The following SLC6A15 variants were observed in gnomAD, a reference collection of about 807,000 sequenced individuals.
The protein encoded by SLC6A15 is sodium-dependent neutral amino acid transporter B(0)AT2.
In SLC6A15, 33 loss-of-function variants were observed where a neutral mutation model predicts 68.5. The ratio of observed to expected loss-of-function variants is 0.48; its 90% confidence interval spans 0.37 to 0.64. The LOEUF (loss-of-function observed/expected upper bound fraction) is 0.64, where lower values mean the gene tolerates loss of function less well. SLC6A15 is among the 30% of genes least tolerant of loss of function. SLC6A15 has a pLI of 0.00. For missense variants in SLC6A15, 747 were observed against 874.3 expected (o/e 0.85, Z 1.84); for synonymous variants, 347 against 301.0 (o/e 1.15, Z -1.58).
intron 5 of SLC6A15, chr12:84,881,902 C>T (rs2120625073): frequency 1.0e-6 from 1 of 985,420 alleles, no homozygotes; most frequent in East Asian, 1.1e-4. Flanking sequence ...CTACAGCTAG[C>T]TTTCTCCCCA....
chr12:84,900,501 T>G (rs1872811603), intron 1 of SLC6A15, among the ~76,000 whole-genome samples: 1 of 151,852 alleles, frequency 6.6e-6, no homozygotes, highest in South Asian at 2.1e-4. Context: ...TGACTAGAAA[T>G]GCTAAAGGCA....
intron 1 of SLC6A15, among the ~76,000 whole-genome samples, chr12:84,899,824 AAAAT>A (rs1872781480): frequency 6.6e-6 from 1 of 152,064 alleles, no homozygotes; most frequent in South Asian, 2.1e-4. Context: ...TATATTTTTC[AAAAT>A]AAATCTATTT....
At chr12:84,863,283 CG>C (rs11325223) in intron 11 of SLC6A15, among the ~76,000 whole-genome samples, 155 bp downstream of exon 11, 42,097 of 151,946 alleles carry the variant, frequency 0.28, 6,563 homozygotes, top group Middle Eastern at 0.42. Context: ...CACATATGCT[CG>C]GGGCAGAGCA....
chr12:84,887,260 A>G (rs1039588776), intron 2 of SLC6A15, among the ~76,000 whole-genome samples: 2 of 152,182 alleles, frequency 1.3e-5, no homozygotes, highest in Non-Finnish European at 2.9e-5. Flanking sequence ...CTACATATTT[A>G]TCATATGTTT....
intron 1 of SLC6A15, among the ~76,000 whole-genome samples, chr12:84,909,303 A>C (rs950348970): frequency 6.6e-5 from 10 of 152,156 alleles, no homozygotes; most frequent in Non-Finnish European, 1.0e-4. Flanking sequence ...CACATTAATC[A>C]CAAGGAAATA....
chr12:84,910,384 C>G (rs563273968), intron 1 of SLC6A15, among the ~76,000 whole-genome samples: 1 of 151,806 alleles, frequency 6.6e-6, no homozygotes, highest in Non-Finnish European at 1.5e-5. Flanking sequence ...TTTACCACAA[C>G]AAATACACAT....
chr12:84,885,772 T>C, intron 3 of SLC6A15, 139 bp downstream of exon 3: 3 of 987,038 alleles, frequency 3.0e-6, no homozygotes, highest in Non-Finnish European at 4.4e-6. Context: ...TTATAGTTAA[T>C]CCATATGCCA....
intron 2 of SLC6A15, among the ~76,000 whole-genome samples, chr12:84,888,881 C>CT (rs1213538544): frequency 2.6e-5 from 4 of 152,110 alleles, no homozygotes; most frequent in African/African-American, 4.8e-5. Context: ...GTCTCCCACT[C>CT]TTTTTTTGTC....
rs141007880 is a variant in SLC6A15, at chr12:84,905,505, G to A, written c.-189+7018C>T. Among the ~76,000 whole-genome samples, 325 of 152,164 alleles carry A rather than the reference G, an allele frequency of 2.1e-3. 1 individual carries two copies. The highest frequency in any genetic ancestry group is 6.8e-3 in the Middle Eastern group (2 of 294). On this transcript the variant is annotated intron_variant, in intron 1 of 11. Transcript: ENST00000266682. The stretch of plus-strand genomic sequence containing the variant: ...TCAGGATAAGAAGCAAGATAAAAAC[G>A]TCCACTCTCACACTCTTATTCAACA...
intron 8 of SLC6A15, among the ~76,000 whole-genome samples, chr12:84,872,300 A>T (rs1871320386): frequency 6.6e-6 from 1 of 152,182 alleles, no homozygotes. Flanking sequence ...TTATAGCAAG[A>T]AAGATTTCAG....
chr12:84,911,045 C>T (rs571680415), intron 1 of SLC6A15, among the ~76,000 whole-genome samples: 5 of 152,112 alleles, frequency 3.3e-5, no homozygotes, highest in Non-Finnish European at 7.4e-5. Context: ...ACAAGTCAAG[C>T]CCAGTACTGG....
chr12:84,872,699 T>A lies in SLC6A15; in HGVS notation c.1205A>T (p.Asp402Val). Residue 402 changes from aspartate to valine, a missense_variant, in exon 8 of 12, where the codon GAT becomes GTT. By Grantham distance (152) the Asp-to-Val change is radical. Coordinates refer to ENST00000266682, the MANE Select transcript of SLC6A15 (RefSeq NM_182767.6). ...AATGATGTCATAAACTAAATGATAA[T>A]CTTCTGCAGTAACAGTTGAAAGGTT... is the stretch of plus-strand genomic sequence containing the variant. The part of the protein sequence containing the change: ...HINLSTVTAE[D>V]YHLVYDIIQK... The A allele has an allele frequency of 6.2e-7, 1 of 1,612,906 alleles. No individual in the cohort carries two copies.
In SLC6A15 at chr12:84,861,725, T is replaced by G; in HGVS notation, c.2100A>C (p.Gly700=). ...TGGGAGCAGTATCCAGAGTTGGGGA[T>G]CCACTCTGTTTTCGATAAATATTTT... The part of the protein sequence containing the change: ...FGKNIYRKQS[G]SPTLDTAPNG... The change falls in exon 12 of 12, where the codon GGA becomes GGC. Residue 700 remains glycine (G), a synonymous_variant. Transcript: ENST00000266682. 1 of 1,613,984 alleles carries G rather than the reference T, an allele frequency of 6.2e-7. No homozygotes were observed. Among genetic ancestry groups the G allele is most frequent in the Non-Finnish European group, 8.5e-7 (1 of 1,179,902 alleles).
chr12:84,863,686 A>G, intron 10 of SLC6A15, 85 bp from the exon 11 acceptor site: 2 of 949,038 alleles, frequency 2.1e-6, no homozygotes, highest in Non-Finnish European at 2.9e-6. Context: ...TGGTCTGACA[A>G]ACATTTACCA....
At position 84,860,973 on chromosome 12, in the gene SLC6A15, A is replaced by G. The variant is rs1195489312; in HGVS notation, c.*659T>C. The G allele has an allele frequency of 6.6e-6, 1 of 152,118 alleles. No homozygotes were observed. The highest frequency in any genetic ancestry group is 1.9e-4 in the East Asian group (1 of 5,198). 9.4% of individuals were successfully genotyped at this position (152,118 alleles called of 1,614,324 possible). ...ACTCTTAGTTCATTTTCACACATAT[A>G]TTTTACACAAAATATACAGCCATCA... On this transcript the variant is annotated 3_prime_UTR_variant, in exon 12 of 12. Coordinates refer to ENST00000266682, the MANE Select transcript of SLC6A15 (RefSeq NM_182767.6).
Position 84,861,646 on chromosome 12 carries a change from C to T in SLC6A15, c.2179G>A (p.Glu727Lys). The part of the protein sequence containing the change: ...LMADIMPDMP[E>K]SDL ...TTTTCCCCCAGCTACAAATCAGATT[C>T]TGGCATATCTGGCATAATATCTGCC... Residue 727 changes from glutamate (E) to lysine (K), a missense_variant, in exon 12 of 12, where the codon GAA becomes AAA. Physicochemically the swap from Glu to Lys is moderately conservative, Grantham distance 56. Coordinates refer to ENST00000266682, the MANE Select transcript of SLC6A15 (RefSeq NM_182767.6). The T allele has an allele frequency of 6.3e-7, 1 of 1,593,426 alleles. No homozygotes were observed. Among genetic ancestry groups the T allele is most frequent in the Non-Finnish European group, 8.6e-7 (1 of 1,166,498 alleles).
intron 2 of SLC6A15, among the ~76,000 whole-genome samples, chr12:84,890,383 C>T (rs976771022): frequency 1.3e-5 from 2 of 152,040 alleles, no homozygotes; most frequent in African/African-American, 4.8e-5. Context: ...ATAGTGTGGT[C>T]AATACGACTT....
chr12:84,894,905 A>T lies in SLC6A15; in HGVS notation c.-188-2597T>A, dbSNP rs1872573692. 2.0e-5 allele frequency among the ~76,000 whole-genome samples: 3 copies of T among 152,148 alleles called. No homozygotes were observed. In the South Asian group the frequency reaches 6.2e-4, roughly 31 times the overall value. The stretch of plus-strand genomic sequence containing the variant: ...AATAAATATATACTACAGATATCGT[A>T]TAACAACTCTAGCCAAACTTTATAA... On this transcript the variant is annotated intron_variant, in intron 1 of 11. Transcript: ENST00000266682.
At chr12:84,874,997 C>T (rs1871453580) in intron 6 of SLC6A15, among the ~76,000 whole-genome samples, 1 of 152,154 alleles carries the variant, frequency 6.6e-6, no homozygotes, top group Admixed American at 6.6e-5. Flanking sequence ...GATCCCTAGT[C>T]TAGGTCAGAA....
Sources: allele counts gnomAD v4.1 joint callset (sites outside exome capture counted in the v4.1 genomes callset), GRCh38; gene constraint gnomAD v4.1.1; transcripts MANE v1.5; gene names NCBI Gene and HGNC (gene_info 2026-07-23, HGNC 2026-07-21).